The following DDX10 variants were observed in gnomAD, a reference collection of about 807,000 sequenced individuals.
DDX10 encodes DEAD-box helicase 10.
A neutral mutation model predicts 104.3 loss-of-function variants in DDX10; 74 were observed. That is an observed-to-expected ratio of 0.71 (90% CI 0.59 to 0.86). The LOEUF is 0.86. DDX10 is among the 40% of genes least tolerant of loss of function. The pLI is 0.00. For missense variants in DDX10, 952 were observed against 1,040.0 expected (o/e 0.92, Z 1.16); for synonymous variants, 351 against 353.4 (o/e 0.99, Z 0.08).
chr11:108,809,035 GA>G, intron 13 of DDX10, among the ~76,000 whole-genome samples: 1 of 151,284 alleles, frequency 6.6e-6, no homozygotes, highest in East Asian at 1.9e-4. Context: ...TTTTTTTCAG[GA>G]AATGCTAGTT....
chr11:108,895,574 T>C (rs1392812882), intron 16 of DDX10, among the ~76,000 whole-genome samples: 1 of 152,074 alleles, frequency 6.6e-6, no homozygotes, highest in Non-Finnish European at 1.5e-5. Context: ...TAATACCTTC[T>C]CTATATCTTT....
chr11:108,793,942 C>T (rs548163579), intron 13 of DDX10, among the ~76,000 whole-genome samples: 1 of 151,998 alleles, frequency 6.6e-6, no homozygotes, highest in South Asian at 2.1e-4. Context: ...TCTTTCTGTG[C>T]CTAGTTTATG....
intron 13 of DDX10, among the ~76,000 whole-genome samples, chr11:108,835,167 ATT>A (rs1179535306): frequency 6.6e-6 from 1 of 151,998 alleles, no homozygotes; most frequent in African/African-American, 2.4e-5. Flanking sequence ...CTGCCACTGT[ATT>A]TTTTTCCATT....
intron 16 of DDX10, among the ~76,000 whole-genome samples, chr11:108,873,879 T>G (rs1414744588): frequency 6.6e-6 from 1 of 152,220 alleles, no homozygotes; most frequent in African/African-American, 2.4e-5. Context: ...ATTACTCTAT[T>G]AATCTTTCAT....
intron 1 of DDX10, among the ~76,000 whole-genome samples, chr11:108,666,295 T>C (rs1390098784): frequency 6.6e-6 from 1 of 152,094 alleles, no homozygotes; most frequent in African/African-American, 2.4e-5. Context: ...CTGACCAACA[T>C]GGTGAAACCC....
In DDX10 at chr11:108,691,136, A is replaced by C. The variant is rs146376370; in HGVS notation, c.976-740A>C. On this transcript the variant is annotated intron_variant, in intron 7 of 17. Coordinates refer to ENST00000322536, the MANE Select transcript of DDX10 (RefSeq NM_004398.4). Reference sequence around the variant, plus strand: ...TAACAAGCAATTCACTTGGTTTCCCATTCTTTACTGTCAGCAAAATTGAAG... The same window carrying C: ...TAACAAGCAATTCACTTGGTTTCCCCTTCTTTACTGTCAGCAAAATTGAAG... 8.6e-3 allele frequency among the ~76,000 whole-genome samples: 1,317 copies of C among 152,342 alleles called. 18 individuals carry two copies. Among genetic ancestry groups the C allele is most frequent in the African/African-American group, 0.03 (1,259 of 41,576 alleles).
intron 17 of DDX10, among the ~76,000 whole-genome samples, chr11:108,938,046 A>G (rs1769600649): frequency 6.6e-6 from 1 of 151,302 alleles, no homozygotes; most frequent in African/African-American, 2.4e-5. Context: ...CATCTCAGGG[A>G]CCTCCTTACC....
At chr11:108,675,379 C>T (rs1268287189) in intron 2 of DDX10, among the ~76,000 whole-genome samples, 3 of 152,166 alleles carry the variant, frequency 2.0e-5, no homozygotes, top group Non-Finnish European at 4.4e-5. Flanking sequence ...CAAGTTTCTT[C>T]TCATAAAGAC....
intron 13 of DDX10, among the ~76,000 whole-genome samples, chr11:108,831,269 T>C (rs528876550): frequency 3.0e-4 from 46 of 151,858 alleles, no homozygotes; most frequent in African/African-American, 1.1e-3. Flanking sequence ...CCAGGCGTGG[T>C]GGCAGGCACC....
intron 15 of DDX10, among the ~76,000 whole-genome samples, chr11:108,847,190 G>A (rs367684934): frequency 6.6e-6 from 1 of 152,280 alleles, no homozygotes; most frequent in East Asian, 1.9e-4. Flanking sequence ...CTAGTAAACT[G>A]TAAAGACAAA....
At chr11:108,830,194 C>T (rs1336193009) in intron 13 of DDX10, among the ~76,000 whole-genome samples, 5 of 152,204 alleles carry the variant, frequency 3.3e-5, no homozygotes, top group African/African-American at 9.6e-5. Context: ...CATTTATGGG[C>T]ATGGGATATG....
chr11:108,682,158 G>A (rs773415543), intron 6 of DDX10, among the ~76,000 whole-genome samples: 30 of 150,778 alleles, frequency 2.0e-4, no homozygotes, highest in Non-Finnish European at 4.0e-4. Flanking sequence ...AGGCTGGAGT[G>A]CAGTGGCATG....
chr11:108,711,488 A>G (rs2094284250), intron 10 of DDX10, among the ~76,000 whole-genome samples: 1 of 152,120 alleles, frequency 6.6e-6, no homozygotes, highest in African/African-American at 2.4e-5. Context: ...ACGTGCCGCC[A>G]TGCCTGGCTA....
intron 6 of DDX10, among the ~76,000 whole-genome samples, chr11:108,682,723 GTTC>G (rs1374003278): frequency 2.6e-5 from 4 of 152,136 alleles, no homozygotes; most frequent in African/African-American, 4.8e-5. Flanking sequence ...GACTTACCCA[GTTC>G]TTCTTCTTGT....
At chr11:108,808,828 T>C (rs1862137278) in intron 13 of DDX10, among the ~76,000 whole-genome samples, 1 of 152,140 alleles carries the variant, frequency 6.6e-6, no homozygotes, top group Admixed American at 6.6e-5. Flanking sequence ...GGAAAATATA[T>C]TTTATTGAAT....
intron 14 of DDX10, among the ~76,000 whole-genome samples, chr11:108,840,394 T>G (rs989422796): frequency 2.0e-5 from 3 of 151,214 alleles, no homozygotes; most frequent in African/African-American, 7.2e-5. Flanking sequence ...TTTAAATCTT[T>G]CTGGCAACTA....
chr11:108,815,452 C>G (rs1456056059), intron 13 of DDX10, among the ~76,000 whole-genome samples: 1 of 152,172 alleles, frequency 6.6e-6, no homozygotes, highest in African/African-American at 2.4e-5. Context: ...GGTTGACCTT[C>G]TGTATACACA....
intron 16 of DDX10, among the ~76,000 whole-genome samples, chr11:108,887,358 C>A (rs916346872): frequency 6.6e-6 from 1 of 151,518 alleles, no homozygotes; most frequent in South Asian, 2.1e-4. Context: ...TTTTAAAAAA[C>A]CTTAGAAATA....
At chr11:108,800,547 G>T (rs1862007091) in intron 13 of DDX10, among the ~76,000 whole-genome samples, 1 of 151,900 alleles carries the variant, frequency 6.6e-6, no homozygotes, top group African/African-American at 2.4e-5. Context: ...ACCTGTGTGG[G>T]TGCTTTACCT....
Sources: allele counts gnomAD v4.1 joint callset (sites outside exome capture counted in the v4.1 genomes callset), GRCh38; gene constraint gnomAD v4.1.1; transcripts MANE v1.5; gene names NCBI Gene and HGNC (gene_info 2026-07-23, HGNC 2026-07-21).